CEP350: variants seen among roughly 807,000 people sequenced by gnomAD.
CEP350 encodes centrosomal protein 350.
CEP350 carries 126 observed loss-of-function variants against 331.8 expected under a neutral mutation model. The ratio of observed to expected loss-of-function variants is 0.38; its 90% CI spans 0.33 to 0.44. The LOEUF is 0.44. Ranked by LOEUF, CEP350 falls within the 20% of genes least tolerant of loss-of-function variation. The pLI is 1.00. For missense variants in CEP350, 3,406 were observed against 3,634.6 expected, an observed-to-expected ratio of 0.94 and a Z score of 1.62; for synonymous variants, 1,200 against 1,259.5, an observed-to-expected ratio of 0.95 and a Z score of 1.00.
In CEP350 at chr1:180,020,047, T is replaced by C. The variant is rs763203378; in HGVS notation, c.2273T>C (p.Leu758Ser). ...PQPFAGTAGS[L>S]LSHLLSLEHV... ...CCTTTTGCTGGAACAGCTGGAAGTT[T>C]ACTCTCCCATCTCTTGAGTTTAGAG... The change falls in exon 12 of 38, where the codon TTA (leucine) becomes TCA (serine). Residue 758 changes from leucine (L) to serine (S), a missense_variant. Physicochemically the swap from Leu to Ser is moderately radical, Grantham distance 145 (BLOSUM62 -2). Coordinates refer to ENST00000367607, the MANE Select transcript of CEP350 (RefSeq NM_014810.5). 6.2e-7 allele frequency: 1 copy of C among 1,614,052 alleles called. No homozygotes were observed. The highest frequency in any genetic ancestry group is 1.1e-5 in the South Asian group (1 of 91,080).
intron 5 of CEP350, among the ~76,000 whole-genome samples, chr1:179,994,752 C>T (rs776753004): frequency 3.9e-5 from 6 of 152,226 alleles, no homozygotes; most frequent in East Asian, 3.9e-4. Flanking sequence ...CCACACCTGG[C>T]GATCCCATCT....
At chr1:180,109,158 G>A (rs997190996) in intron 37 of CEP350, among the ~76,000 whole-genome samples, 103 of 141,378 alleles carry the variant, frequency 7.3e-4, no homozygotes, top group South Asian at 6.0e-3. Context: ...TCACTCTGTC[G>A]CCTAGGCTGG....
At chr1:180,102,102 C>T (rs1424442498) in intron 37 of CEP350, among the ~76,000 whole-genome samples, 1 of 150,076 alleles carries the variant, frequency 6.7e-6, no homozygotes, top group Non-Finnish European at 1.5e-5. Flanking sequence ...GAAAGGAGGG[C>T]GGGCCTGCCA....
intron 7 of CEP350, among the ~76,000 whole-genome samples, chr1:180,004,242 A>G (rs1389915406): frequency 2.0e-5 from 3 of 152,212 alleles, no homozygotes; most frequent in Non-Finnish European, 4.4e-5. Flanking sequence ...ATCATTATAG[A>G]CTAGTAGAAT....
At chr1:180,059,340 A>G (rs1329763669) in intron 25 of CEP350, among the ~76,000 whole-genome samples, 3 of 152,212 alleles carry the variant, frequency 2.0e-5, no homozygotes, top group African/African-American at 7.2e-5. Flanking sequence ...AACAATGCTG[A>G]GTAAAACTGC....
intron 15 of CEP350, among the ~76,000 whole-genome samples, chr1:180,032,382 A>T (rs191388293): frequency 6.6e-6 from 1 of 152,016 alleles, no homozygotes; most frequent in South Asian, 2.1e-4. Context: ...TTAAAATTAA[A>T]TTTTTTTTCT....
chr1:180,053,129 A>C lies in CEP350; in HGVS notation c.4952A>C (p.Glu1651Ala). Residue 1651 changes from glutamate to alanine, a missense_variant, in exon 23 of 38, where the codon GAA (glutamate) becomes GCA (alanine). Glu to Ala is a moderately radical substitution (Grantham distance 107). Around this residue, in one of 5 missense-constraint regions of CEP350, gnomAD observed 104 missense variants for 143.3 expected, o/e 0.73. Transcript: ENST00000367607. The part of the protein sequence containing the change: ...RRGHHDDSDE[E>A]ASPEKTTLST... ...GGTCATCATGATGACTCTGATGAAG[A>C]AGCTTCTCCAGAAAAAACTACACTG... 6.3e-7 allele frequency: 1 copy of C among 1,599,696 alleles called. No homozygotes were observed. The highest frequency in any genetic ancestry group is 8.5e-7 in the Non-Finnish European group (1 of 1,174,646).
chr1:180,062,855 T>C (rs1014005849), intron 26 of CEP350, among the ~76,000 whole-genome samples: 2 of 152,214 alleles, frequency 1.3e-5, no homozygotes, highest in African/African-American at 4.8e-5. Context: ...CAATGAGAAT[T>C]AAGATTCAAC....
In CEP350 at chr1:180,015,210, GTTTATTTA is replaced by G. The variant is rs112553202; in HGVS notation, c.2053-603_2053-596del. Among the ~76,000 whole-genome samples the G allele has an allele frequency of 9.5e-3, 1,361 of 143,558 alleles. 8 individuals are homozygous for G. Among genetic ancestry groups the G allele is most frequent in the African/African-American group, 0.013 (479 of 38,014 alleles). 94.2% of individuals were successfully genotyped at this position (143,558 alleles called of 152,430 possible). A position where few individuals can be genotyped will look rare whatever the true frequency, so the allele number is the denominator to read the frequency against. ...TGTGCACCACCATGCCTAGGAAATT[GTTTATTTA>G]TTTATTTATTTATTTATTTATTTAT... On this transcript the variant is annotated intron_variant, in intron 10 of 37. Transcript: ENST00000367607.
At chr1:179,962,810 G>GACA (rs57473431) in intron 1 of CEP350, among the ~76,000 whole-genome samples, 2,565 of 152,280 alleles carry the variant, frequency 0.017, 81 homozygotes, top group African/African-American at 0.058. Context: ...TTGATAGAAT[G>GACA]ATTTCTTTTC....
At chr1:179,974,009 G>A (rs1200925124) in intron 1 of CEP350, among the ~76,000 whole-genome samples, 1 of 150,802 alleles carries the variant, frequency 6.6e-6, no homozygotes, top group Admixed American at 6.6e-5. Context: ...TCCTTCCACT[G>A]GCAGCTGTGC....
intron 14 of CEP350, among the ~76,000 whole-genome samples, chr1:180,025,244 G>A (rs1219030557): frequency 6.6e-6 from 1 of 151,876 alleles, no homozygotes; most frequent in Admixed American, 6.6e-5. Context: ...TTTGCAGTTG[G>A]TTTTTTAAAA....
intron 1 of CEP350, among the ~76,000 whole-genome samples, chr1:179,961,429 CAGAG>C (rs1297177086): frequency 6.6e-6 from 1 of 152,098 alleles, no homozygotes; most frequent in Non-Finnish European, 1.5e-5. Flanking sequence ...GCCAGGGCGA[CAGAG>C]AGACTGTGTC....
chr1:179,971,783 T>C (rs1446991395), intron 1 of CEP350, among the ~76,000 whole-genome samples: 1 of 152,216 alleles, frequency 6.6e-6, no homozygotes, highest in African/African-American at 2.4e-5. Flanking sequence ...TGCTGTGATA[T>C]CATATGTCAT....
At chr1:179,987,201 C>G in intron 2 of CEP350, 39 bp from the exon 3 acceptor site, 1 of 1,149,780 alleles carries the variant, frequency 8.7e-7, no homozygotes, top group Non-Finnish European at 1.3e-6. Flanking sequence ...TTCAGAGATT[C>G]TGGTTGATTG....
chr1:180,014,316 T>C lies in CEP350; in HGVS notation c.1863T>C (p.Ala621=). The change falls in exon 10 of 38, where the codon GCT becomes GCC. Residue 621 remains alanine, a synonymous_variant. Coordinates refer to ENST00000367607, the MANE Select transcript of CEP350 (RefSeq NM_014810.5). ...AAGAGAAGAAGGCTCAAAAGGAGGC[T>C]ACAGAACAGAAAAACAAACGATTAC... ...QNEEKKAQKE[A]TEQKNKRLQE... 6.3e-7 allele frequency: 1 copy of C among 1,591,322 alleles called. No homozygotes were observed. The highest frequency in any genetic ancestry group is 1.3e-5 in the African/African-American group (1 of 74,580).
intron 33 of CEP350, 46 bp from the exon 34 acceptor site, chr1:180,092,568 A>G (rs1660261122): frequency 2.2e-6 from 3 of 1,379,780 alleles, no homozygotes; most frequent in Admixed American, 2.6e-5. Context: ...AAATTGAAAG[A>G]TAGTGATTAA....
At chr1:179,964,342 G>A (rs1650836258) in intron 1 of CEP350, among the ~76,000 whole-genome samples, 1 of 152,034 alleles carries the variant, frequency 6.6e-6, no homozygotes. Flanking sequence ...ATGTTGAATA[G>A]GAGTCGTAAG....
chr1:179,985,527 A>G (rs1180588281), intron 1 of CEP350, among the ~76,000 whole-genome samples: 2 of 152,190 alleles, frequency 1.3e-5, no homozygotes, highest in Non-Finnish European at 2.9e-5. Flanking sequence ...CCATTCTTAC[A>G]CTGCTATAAA....
Sources: allele counts gnomAD v4.1 joint callset (sites outside exome capture counted in the v4.1 genomes callset), GRCh38; gene constraint gnomAD v4.1.1; regional missense constraint gnomAD v4.1.1; transcripts MANE v1.5; gene names NCBI Gene and HGNC (gene_info 2026-07-23, HGNC 2026-07-21).